Variants in PPP1R1C observed in about 807,000 individuals in gnomAD.
The protein encoded by PPP1R1C is protein phosphatase 1 regulatory subunit 1C.
A neutral mutation model predicts 17.4 loss-of-function variants in PPP1R1C; 15 were observed. That is an observed-to-expected ratio of 0.86 (90% CI 0.58 to 1.33). The LOEUF (loss-of-function observed/expected upper bound fraction) is 1.33, where lower values mean the gene tolerates loss of function less well. PPP1R1C is among the 40% of genes most tolerant of loss of function. PPP1R1C has a pLI of 0.00. For missense variants in PPP1R1C, 143 were observed against 130.0 expected (o/e 1.10, Z -0.48); for synonymous variants, 35 against 43.1 (o/e 0.81, Z 0.73).
intron 2 of PPP1R1C, among the ~76,000 whole-genome samples, chr2:182,026,547 G>C (rs7370694): frequency 0.16 from 23,500 of 148,172 alleles, 2,319 homozygotes; most frequent in East Asian, 0.26. Context: ...TCTGAGGGCT[G>C]TGTTCTGTTC....
chr2:182,045,103 C>T (rs1013919747), intron 2 of PPP1R1C, among the ~76,000 whole-genome samples: 2 of 152,160 alleles, frequency 1.3e-5, no homozygotes, highest in African/African-American at 4.8e-5. Flanking sequence ...ATAATCACTA[C>T]AGTTTAGAAC....
rs372539696 is a variant in PPP1R1C at position 182,128,079 on chromosome 2, T to C, written c.*7-895T>C. Among the ~76,000 whole-genome samples, 20 of 152,218 alleles carry C rather than the reference T, an allele frequency of 1.3e-4. No homozygotes were observed. The South Asian group carries it at 3.9e-3, about 30-fold the overall frequency. ...ACAAACACAAGACCAAAATTCTAGT[T>C]CATTATTCAATAAATATGTAGGAAT... On this transcript the variant is annotated intron_variant, in intron 5 of 5. Transcript: ENST00000280295.
rs2125131077 is a variant in PPP1R1C at position 181,962,562 on chromosome 2, C to T, written n.111+7928C>T. 1.8e-6 allele frequency: 1 copy of T among 550,088 alleles called. No homozygotes were observed. Among genetic ancestry groups the T allele is most frequent in the South Asian group, 2.0e-5 (1 of 50,416 alleles). 34.1% of individuals were successfully genotyped at this position (550,088 alleles called of 1,614,324 possible). A position where few individuals can be genotyped will look rare whatever the true frequency, so the allele number is the denominator to read the frequency against. On this transcript the variant is annotated intron_variant and non_coding_transcript_variant, in intron 1 of 5. Transcript: ENST00000464264. The surrounding 1 kb of genome is among the most constrained non-coding windows in gnomAD (Gnocchi z 6.0). ...GTTTTCTAAGGAACCTGCAGAGAAA[C>T]ATCAAGCTCAGATCGAACAAAGCAA...
intron 2 of PPP1R1C, among the ~76,000 whole-genome samples, chr2:182,022,071 G>T (rs189888979): frequency 6.6e-6 from 1 of 152,070 alleles, no homozygotes. Context: ...GATCTAAATT[G>T]TATGTTTTCT....
At chr2:182,099,137 A>T (rs1689027487) in intron 4 of PPP1R1C, among the ~76,000 whole-genome samples, 1 of 152,210 alleles carries the variant, frequency 6.6e-6, no homozygotes, top group East Asian at 1.9e-4. Flanking sequence ...TTTGAGTTCC[A>T]GTGCTAGCTG....
intron 5 of PPP1R1C, among the ~76,000 whole-genome samples, chr2:182,126,399 A>AT (rs1689876275): frequency 6.6e-6 from 1 of 152,072 alleles, no homozygotes; most frequent in African/African-American, 2.4e-5. Flanking sequence ...GCATTAATTA[A>AT]TAAGAAATGT....
chr2:181,998,135 A>G (rs1005725168), intron 2 of PPP1R1C, among the ~76,000 whole-genome samples: 6 of 152,184 alleles, frequency 3.9e-5, no homozygotes, highest in African/African-American at 1.4e-4. Flanking sequence ...ATCAGTGAAC[A>G]TGGGTTTCAT....
intron 2 of PPP1R1C, among the ~76,000 whole-genome samples, chr2:182,047,692 T>G (rs1292335735): frequency 6.6e-6 from 1 of 152,150 alleles, no homozygotes; most frequent in African/African-American, 2.4e-5. Flanking sequence ...AATGGTTGTG[T>G]GGTAGGATAA....
chr2:182,015,710 A>G (rs958178632), intron 2 of PPP1R1C, among the ~76,000 whole-genome samples: 2 of 152,022 alleles, frequency 1.3e-5, no homozygotes, highest in African/African-American at 4.8e-5. Context: ...GTCATCCAGG[A>G]GCTAGGGCCT....
intron 2 of PPP1R1C, among the ~76,000 whole-genome samples, chr2:182,014,478 C>T (rs1279591719): frequency 4.6e-5 from 7 of 151,912 alleles, no homozygotes; most frequent in African/African-American, 9.7e-5. Context: ...ACTGGGACTG[C>T]ACTGGTTCAG....
upstream of PPP1R1C, among the ~76,000 whole-genome samples, chr2:181,981,845 T>A (rs1029644883): frequency 6.6e-6 from 1 of 152,164 alleles, no homozygotes; most frequent in Non-Finnish European, 1.5e-5. Flanking sequence ...AGACAGAAAA[T>A]CATTGCATTA....
chr2:182,011,763 T>G (rs1410969609), intron 2 of PPP1R1C, among the ~76,000 whole-genome samples: 1 of 152,096 alleles, frequency 6.6e-6, no homozygotes, highest in Non-Finnish European at 1.5e-5. Flanking sequence ...CTATCAACTT[T>G]CCTCTTAGTA....
chr2:182,085,859 C>G (rs971776569), intron 4 of PPP1R1C, among the ~76,000 whole-genome samples: 3 of 152,128 alleles, frequency 2.0e-5, no homozygotes, highest in Admixed American at 2.0e-4. Flanking sequence ...GTTTGTTCTA[C>G]TTTGCCCTCC....
In PPP1R1C at chr2:181,961,667, A is replaced by T; in HGVS notation, n.111+7033A>T. On this transcript the variant is annotated intron_variant and non_coding_transcript_variant, in intron 1 of 5. Coordinates refer to the PPP1R1C transcript ENST00000464264. The surrounding 1 kb of genome is among the most constrained non-coding windows in gnomAD (Gnocchi z 5.8). ...GTGGTGCTCTTCTCAATCTGCTGAG[A>T]CCAGCACTTGTCCAGCTCCTCTCAG... The T allele has an allele frequency of 1.3e-6, 1 of 758,626 alleles. No individual in the cohort carries two copies. The highest frequency in any genetic ancestry group is 2.4e-6 in the Non-Finnish European group (1 of 420,208). 47.0% of individuals were successfully genotyped at this position (758,626 alleles called of 1,614,324 possible). A position where few individuals can be genotyped will look rare whatever the true frequency, so the allele number is the denominator to read the frequency against.
chr2:181,997,104 C>G (rs1685634397), intron 2 of PPP1R1C, among the ~76,000 whole-genome samples: 1 of 152,024 alleles, frequency 6.6e-6, no homozygotes, highest in Admixed American at 6.5e-5. Context: ...TGGCGGGCGC[C>G]TGTTGTCCCA....
At chr2:182,061,545 A>C in intron 3 of PPP1R1C, 66 bp downstream of exon 3, 1 of 909,318 alleles carries the variant, frequency 1.1e-6, no homozygotes, top group Non-Finnish European at 1.6e-6. Context: ...AATTTGCTTG[A>C]TTTGATGTGA....
intron 2 of PPP1R1C, among the ~76,000 whole-genome samples, chr2:182,028,152 C>T (rs1303925311): frequency 7.4e-6 from 1 of 135,176 alleles, no homozygotes; most frequent in Non-Finnish European, 1.6e-5. Context: ...TTGATCCTTT[C>T]AAAAAACCAG....
intron 4 of PPP1R1C, among the ~76,000 whole-genome samples, chr2:182,077,198 A>AT (rs1214565243): frequency 6.6e-6 from 1 of 150,854 alleles, no homozygotes; most frequent in Non-Finnish European, 1.5e-5. Flanking sequence ...CAAGTTTCAG[A>AT]TATGTAAACA....
chr2:182,051,434 T>C (rs2125188487), intron 2 of PPP1R1C, among the ~76,000 whole-genome samples: 1 of 152,316 alleles, frequency 6.6e-6, no homozygotes, highest in East Asian at 1.9e-4. Context: ...GAAGTGATAA[T>C]ATTCATAAGG....
Sources: gnomAD v4.1 joint callset for allele counts (sites outside exome capture counted in the v4.1 genomes callset) on GRCh38, gnomAD v4.1.1 for gene constraint, Gnocchi (gnomAD v3.1) non-coding constraint, MANE v1.5 for transcripts, NCBI Gene and HGNC (gene_info 2026-07-23, HGNC 2026-07-21) for gene names.